The following MBNL2 variants were observed in gnomAD, a reference collection of about 807,000 sequenced individuals.
MBNL2 encodes muscleblind like splicing regulator 2, also known as muscleblind-like protein 2.
A neutral mutation model predicts 41.9 loss-of-function variants in MBNL2; 17 were observed. The ratio of observed to expected loss-of-function variants is 0.41; its 90% CI spans 0.28 to 0.61. The LOEUF (loss-of-function observed/expected upper bound fraction) is 0.61. MBNL2 is among the 20% of genes least tolerant of loss of function. The probability of loss-of-function intolerance (pLI) is 0.35; values close to 1 mark genes in which losing one functional copy is unlikely to be tolerated. For synonymous variants in MBNL2, 195 were observed against 182.9 expected (o/e 1.07, Z -0.53); for missense variants, 336 against 505.6 (o/e 0.66, Z 3.22).
chr13:97,216,245 T>C, the MBNL2 span, among the ~76,000 whole-genome samples: 1,833 of 152,200 alleles, frequency 0.012, 40 homozygotes, highest in African/African-American at 0.042. Context: ...TCTTCGAAAG[T>C]ATGTAAATTT....
intron 4 of MBNL2, among the ~76,000 whole-genome samples, chr13:97,344,637 A>G (rs2061691121): frequency 6.6e-6 from 1 of 152,214 alleles, no homozygotes; most frequent in African/African-American, 2.4e-5. Context: ...TGGAAACTCT[A>G]ATTGTTACTA....
chr13:97,159,189 G>C, the MBNL2 span, among the ~76,000 whole-genome samples: 2 of 151,908 alleles, frequency 1.3e-5, no homozygotes, highest in Non-Finnish European at 2.9e-5. Flanking sequence ...TTGGTTTAAA[G>C]TCTGTTTTAT....
the MBNL2 span, among the ~76,000 whole-genome samples, chr13:97,212,568 G>A: frequency 1.1e-4 from 16 of 152,158 alleles, no homozygotes; most frequent in Non-Finnish European, 1.8e-4. Flanking sequence ...TAGAGAACAT[G>A]GCCTCTGAAG....
At chr13:97,248,225 G>A (rs1482594495) in intron 1 of MBNL2, among the ~76,000 whole-genome samples, 3 of 152,310 alleles carry the variant, frequency 2.0e-5, no homozygotes, top group African/African-American at 7.2e-5. Context: ...GGGTTCAAGC[G>A]ATTCTCCTGC....
At chr13:97,144,342 A>G in the MBNL2 span, among the ~76,000 whole-genome samples, 1 of 151,802 alleles carries the variant, frequency 6.6e-6, no homozygotes, top group East Asian at 2.0e-4. Flanking sequence ...TCTTCTGCTT[A>G]GAGGACTATA....
intron 2 of MBNL2, among the ~76,000 whole-genome samples, chr13:97,296,696 AAT>A (rs1392195719): frequency 6.6e-6 from 1 of 152,166 alleles, no homozygotes; most frequent in African/African-American, 2.4e-5. Context: ...AAAAGAGAAA[AAT>A]ACTATTACCA....
chr13:97,233,621 A>G (rs1004935784), intron 1 of MBNL2, among the ~76,000 whole-genome samples: 1 of 151,426 alleles, frequency 6.6e-6, no homozygotes, highest in Non-Finnish European at 1.5e-5. Context: ...GGCAGCCACC[A>G]CAAAGACCAT....
chr13:97,358,235 T>C (rs1364675606), intron 7 of MBNL2, among the ~76,000 whole-genome samples: 1 of 152,220 alleles, frequency 6.6e-6, no homozygotes, highest in African/African-American at 2.4e-5. Context: ...AGATCCATTG[T>C]AATAGTCATA....
At chr13:97,190,818 T>C in the MBNL2 span, among the ~76,000 whole-genome samples, 1 of 152,142 alleles carries the variant, frequency 6.6e-6, no homozygotes, top group Admixed American at 6.5e-5. Context: ...GTTTGAAGCC[T>C]GAGGTTGGAT....
chr13:97,378,358 G>GT (rs1199590825), intron 8 of MBNL2, among the ~76,000 whole-genome samples: 1 of 152,104 alleles, frequency 6.6e-6, no homozygotes, highest in Non-Finnish European at 1.5e-5. Context: ...CTTATGTATG[G>GT]TAACATATCT....
intron 1 of MBNL2, among the ~76,000 whole-genome samples, chr13:97,224,546 T>A (rs2041299437): frequency 6.6e-6 from 1 of 151,732 alleles, no homozygotes; most frequent in Non-Finnish European, 1.5e-5. Context: ...CCTACCTTGA[T>A]TTTTCTGTCT....
intron 3 of MBNL2, among the ~76,000 whole-genome samples, chr13:97,342,160 TA>T (rs1474120203): frequency 6.6e-6 from 1 of 152,244 alleles, no homozygotes; most frequent in Non-Finnish European, 1.5e-5. Flanking sequence ...ATTTACTTTC[TA>T]AAAGGCAGAA....
chr13:97,176,211 A>G, the MBNL2 span, among the ~76,000 whole-genome samples: 13 of 152,336 alleles, frequency 8.5e-5, no homozygotes, highest in African/African-American at 2.4e-4. Context: ...AGAAACTGAA[A>G]GAATTAGCAG....
At chr13:97,261,040 C>T (rs1187582042) in intron 1 of MBNL2, among the ~76,000 whole-genome samples, 2 of 151,952 alleles carry the variant, frequency 1.3e-5, no homozygotes, top group Non-Finnish European at 2.9e-5. Flanking sequence ...CAGTTGGCTC[C>T]CCACACTGCT....
rs191165738 is a variant in MBNL2 at position 97,327,189 on chromosome 13, T to C, written c.175-7087T>C. Among the ~76,000 whole-genome samples the C allele has an allele frequency of 2.0e-5, 3 of 152,322 alleles. No individual in the cohort carries two copies. In the East Asian group the frequency reaches 5.8e-4, roughly 29 times the overall value. Reference sequence around the variant, plus strand: ...ATTTTCACTTCCAAGCTGTGTACACTGTGGGTACTTAATAAATCCTCCTAG... The same window carrying C: ...ATTTTCACTTCCAAGCTGTGTACACCGTGGGTACTTAATAAATCCTCCTAG... On this transcript the variant is annotated intron_variant, in intron 2 of 8. Transcript: ENST00000679496.
chr13:97,158,763 G>A, the MBNL2 span, among the ~76,000 whole-genome samples: 1 of 152,166 alleles, frequency 6.6e-6, no homozygotes, highest in East Asian at 1.9e-4. Context: ...CTGAGAGATA[G>A]TTTGTTATAA....
intron 4 of MBNL2, among the ~76,000 whole-genome samples, chr13:97,344,225 C>A (rs1262620145): frequency 6.6e-6 from 1 of 152,208 alleles, no homozygotes; most frequent in African/African-American, 2.4e-5. Flanking sequence ...AACCAAACCT[C>A]CTGTACTTTG....
chr13:97,381,094 T>C (rs184853064), intron 8 of MBNL2, among the ~76,000 whole-genome samples: 263 of 148,198 alleles, frequency 1.8e-3, no homozygotes, highest in Admixed American at 6.6e-3. Context: ...TCTGTCCCTC[T>C]CTTTCTCTCT....
intron 7 of MBNL2, among the ~76,000 whole-genome samples, chr13:97,359,944 G>A (rs919579757): frequency 6.6e-6 from 1 of 152,042 alleles, no homozygotes; most frequent in African/African-American, 2.4e-5. Context: ...GAATTTTATT[G>A]TTCATTTTAG....
Sources: gnomAD v4.1 joint callset for allele counts (sites outside exome capture counted in the v4.1 genomes callset) on GRCh38, gnomAD v4.1.1 for gene constraint, MANE v1.5 for transcripts, NCBI Gene and HGNC (gene_info 2026-07-23, HGNC 2026-07-21) for gene names.